The following EFL1 variants were observed in gnomAD, a reference collection of about 807,000 sequenced individuals.
EFL1 encodes elongation factor like GTPase 1, also known as elongation factor-like GTPase 1.
Under a neutral mutation model 126.7 loss-of-function variants are expected in EFL1, and 76 were observed. The observed-to-expected ratio is 0.60, with a 90% CI of 0.50 to 0.73. EFL1 has a LOEUF of 0.73. EFL1 is among the 30% of genes least tolerant of loss of function. The pLI is 0.00. For synonymous variants in EFL1, 410 were observed against 448.4 expected (o/e 0.91, Z 1.08); for missense variants, 1,128 against 1,343.2 (o/e 0.84, Z 2.50).
intron 15 of EFL1, among the ~76,000 whole-genome samples, chr15:82,202,270 T>G (rs899132430): frequency 6.6e-6 from 1 of 152,120 alleles, no homozygotes; most frequent in Non-Finnish European, 1.5e-5. Flanking sequence ...AGAAAAGTAC[T>G]CTTTTCCTAT....
At chr15:82,201,846 A>G (rs1042072091) in intron 15 of EFL1, among the ~76,000 whole-genome samples, 1 of 149,764 alleles carries the variant, frequency 6.7e-6, no homozygotes, top group African/African-American at 2.5e-5. Flanking sequence ...TTTGTCTGTA[A>G]GCTTGTATTA....
rs565231445 is a variant in EFL1, at chr15:82,144,079, A to G, written c.2990-5237T>C. Among the ~76,000 whole-genome samples the G allele has an allele frequency of 2.3e-3, 356 of 152,256 alleles. 1 individual carries two copies. Among genetic ancestry groups the G allele is most frequent in the African/African-American group, 8.3e-3 (346 of 41,554 alleles). On this transcript the variant is annotated intron_variant, in intron 18 of 19. Coordinates refer to ENST00000268206, the MANE Select transcript of EFL1 (RefSeq NM_024580.6). ...GCTGTTGGAGACCAACCTGGGCAACATGGTGAGACTCCGTCTCCACAAACA... is the reference window on the plus strand; with the variant it reads ...GCTGTTGGAGACCAACCTGGGCAACGTGGTGAGACTCCGTCTCCACAAACA...
chr15:82,252,314 C>A (rs2075029826), intron 4 of EFL1, among the ~76,000 whole-genome samples: 1 of 152,208 alleles, frequency 6.6e-6, no homozygotes, highest in South Asian at 2.1e-4. Flanking sequence ...TTGAGGACAG[C>A]AAGCTGGTAC....
At chr15:82,183,605 G>T (rs2074274126) in intron 15 of EFL1, among the ~76,000 whole-genome samples, 1 of 152,208 alleles carries the variant, frequency 6.6e-6, no homozygotes, top group Admixed American at 6.5e-5. Flanking sequence ...GATGGAAGGA[G>T]CTGGGAGAAA....
chr15:82,161,889 G>T (rs1460037279), intron 16 of EFL1, among the ~76,000 whole-genome samples: 1 of 152,110 alleles, frequency 6.6e-6, no homozygotes, highest in Non-Finnish European at 1.5e-5. Flanking sequence ...GGTTCTTTAG[G>T]GTTGGGCTTT....
At chr15:82,231,616 A>G (rs1567072808) in intron 7 of EFL1, among the ~76,000 whole-genome samples, 1 of 152,052 alleles carries the variant, frequency 6.6e-6, no homozygotes, top group African/African-American at 2.4e-5. Flanking sequence ...TTAAGGTTTG[A>G]GATTAGAATT....
intron 6 of EFL1, among the ~76,000 whole-genome samples, chr15:82,239,496 TTTTA>T (rs2074909161): frequency 6.6e-6 from 1 of 152,206 alleles, no homozygotes; most frequent in African/African-American, 2.4e-5. Context: ...ACTGTTCTAC[TTTTA>T]TTGTTTCCTG....
chr15:82,207,278 A>ATG (rs754666632), intron 15 of EFL1, among the ~76,000 whole-genome samples: 122 of 130,920 alleles, frequency 9.3e-4, no homozygotes, highest in African/African-American at 2.6e-3. Context: ...ATATATATTT[A>ATG]TGTGTGTGTA....
At chr15:82,139,218 A>C (rs2073759161) in intron 18 of EFL1, among the ~76,000 whole-genome samples, 1 of 152,210 alleles carries the variant, frequency 6.6e-6, no homozygotes, top group Admixed American at 6.5e-5. Context: ...ATATTTGAAT[A>C]ATTTTGAGAC....
intron 18 of EFL1, among the ~76,000 whole-genome samples, chr15:82,151,092 A>G (rs2073901436): frequency 6.6e-6 from 1 of 152,140 alleles, no homozygotes; most frequent in Admixed American, 6.5e-5. Flanking sequence ...CGAGTTTAAG[A>G]TTTTTGGGTC....
chr15:82,155,814 T>A (rs2073961479), intron 17 of EFL1, among the ~76,000 whole-genome samples: 1 of 152,262 alleles, frequency 6.6e-6, no homozygotes, highest in Admixed American at 6.5e-5. Context: ...TTAATTTGCA[T>A]TCCATCAATT....
chr15:82,241,370 G>C lies in EFL1; in HGVS notation c.278C>G (p.Ser93Cys). The change falls in exon 5 of 20, where the codon TCT (serine) becomes TGT (cysteine). Residue 93 changes from serine (S) to cysteine (C), a missense_variant. Physicochemically the swap from Ser to Cys is moderately radical, Grantham distance 112 (BLOSUM62 -1). This residue lies in a region of EFL1 where 118 missense variants were observed against 188.1 expected (regional missense o/e 0.63). Coordinates refer to ENST00000268206, the MANE Select transcript of EFL1 (RefSeq NM_024580.6). ...TGAGGAAAAGTCCACGTGTCCTGGA[G>C]AGTCTATCAGATTGATCAGGTACTC... ...NEEYLINLID[S>C]PGHVDFSSEV... 1.2e-6 allele frequency: 2 copies of C among 1,614,068 alleles called. No homozygotes were observed. Among genetic ancestry groups the C allele is most frequent in the Non-Finnish European group, 1.7e-6 (2 of 1,179,940 alleles).
intron 15 of EFL1, among the ~76,000 whole-genome samples, chr15:82,204,464 C>A (rs1181581396): frequency 1.3e-5 from 2 of 152,072 alleles, no homozygotes; most frequent in African/African-American, 4.8e-5. Flanking sequence ...AATTTATGGG[C>A]GTAAGAGAGT....
chr15:82,130,448 C>G lies in EFL1; in HGVS notation c.3288G>C (p.Lys1096Asn). ...TTTCTTCCACATAAAGCCCCTTCCGCTTTCGTACTGCGTTCATGTACTTCC... is the reference window on the plus strand; with the variant it reads ...TTTCTTCCACATAAAGCCCCTTCCGGTTTCGTACTGCGTTCATGTACTTCC... ...QARKYMNAVRKRKGLYVEEKI... is the reference protein window; with the variant it reads ...QARKYMNAVRNRKGLYVEEKI... Residue 1096 changes from lysine (K) to asparagine (N), a missense_variant, in exon 20 of 20, where the codon AAG becomes AAC. This residue lies in a region of EFL1 where 561 missense variants were observed against 641.7 expected (regional missense o/e 0.87). Coordinates refer to ENST00000268206, the MANE Select transcript of EFL1 (RefSeq NM_024580.6). 6.2e-7 allele frequency: 1 copy of G among 1,614,204 alleles called. No homozygotes were observed. The highest frequency in any genetic ancestry group is 1.3e-5 in the African/African-American group (1 of 75,032).
chr15:82,151,985 G>C lies in EFL1; in HGVS notation c.2469C>G (p.Ile823Met). ...CACATTTTCTTGGGCCAAATGACCA[G>C]ATTTGGTCAACAATGTTCCTCCATC... ...GRRWRNIVDQ[I>M]WSFGPRKCGP... The change falls in exon 18 of 20, where the codon ATC becomes ATG. Residue 823 changes from isoleucine (I) to methionine (M), a missense_variant. Ile to Met is a conservative substitution (Grantham distance 10). Transcript: ENST00000268206. 2 of 1,614,108 alleles carry C rather than the reference G, an allele frequency of 1.2e-6. No homozygotes were observed. Among genetic ancestry groups the C allele is most frequent in the South Asian group, 1.1e-5 (1 of 91,070 alleles).
At position 82,157,399 on chromosome 15, in the gene EFL1, CA is replaced by C. The variant is rs150610260; in HGVS notation, c.2030+313del. On this transcript the variant is annotated intron_variant, in intron 17 of 19. Coordinates refer to ENST00000268206, the MANE Select transcript of EFL1 (RefSeq NM_024580.6). ...ATCCTAATTACATAGCCAACATTTA[CA>C]AAATAATATCTTGTTTTGTTGTCCT... 365 of 193,908 alleles carry C rather than the reference CA, an allele frequency of 1.9e-3. 2 individuals are homozygous for C. The highest frequency in any genetic ancestry group is 8.0e-3 in the African/African-American group (343 of 43,048). The allele number at this position is 193,908 out of a possible 1,614,324, so 12.0% of individuals were successfully genotyped here. A position where few individuals can be genotyped will look rare whatever the true frequency, so the allele number is the denominator to read the frequency against.
Position 82,203,614 on chromosome 15 carries a change from C to A in EFL1, c.1750+11103G>T, listed in dbSNP as rs141835607. On this transcript the variant is annotated intron_variant, in intron 15 of 19. Transcript: ENST00000268206. ...GGTCTTGAACTCCCAACCTCGTGAT[C>A]CACTCACTCCCCCTTGGCCTCCCAA... 3.3e-5 allele frequency among the ~76,000 whole-genome samples: 5 copies of A among 152,208 alleles called. No individual in the cohort carries two copies. The East Asian group carries it at 7.7e-4, about 24-fold the overall frequency.
intron 15 of EFL1, among the ~76,000 whole-genome samples, chr15:82,176,406 C>G (rs1248806693): frequency 6.6e-6 from 1 of 152,038 alleles, no homozygotes; most frequent in African/African-American, 2.4e-5. Context: ...AAAGATAACT[C>G]GCAAAGGAGA....
At chr15:82,161,053 C>T (rs762763730) in intron 16 of EFL1, among the ~76,000 whole-genome samples, 2 of 152,084 alleles carry the variant, frequency 1.3e-5, no homozygotes, top group Non-Finnish European at 2.9e-5. Context: ...TAGAGGGTGG[C>T]TGCCATGAGA....
Sources: gnomAD v4.1 joint callset for allele counts (sites outside exome capture counted in the v4.1 genomes callset) on GRCh38, gnomAD v4.1.1 for gene constraint, gnomAD v4.1.1 regional missense constraint, MANE v1.5 for transcripts, NCBI Gene and HGNC (gene_info 2026-07-23, HGNC 2026-07-21) for gene names.